Variants in DPP10 observed in about 807,000 individuals in gnomAD.
The protein encoded by DPP10 is dipeptidyl peptidase like 10.
In DPP10, 33 loss-of-function variants were observed where a neutral mutation model predicts 120.9. The ratio of observed to expected loss-of-function variants is 0.27; its 90% CI spans 0.21 to 0.37. DPP10 has a LOEUF of 0.37. DPP10 is among the 10% of genes least tolerant of loss of function. DPP10 has a pLI of 1.00. For synonymous variants in DPP10, 337 were observed against 326.1 expected, an observed-to-expected ratio of 1.03 and a Z score of -0.36; for missense variants, 816 against 942.8, an observed-to-expected ratio of 0.87 and a Z score of 1.76.
At chr2:115,438,686 C>T (rs1475807889) in intron 3 of DPP10, among the ~76,000 whole-genome samples, 2 of 152,056 alleles carry the variant, frequency 1.3e-5, no homozygotes, top group Non-Finnish European at 2.9e-5. Flanking sequence ...ATGTACCTAA[C>T]ACAGTCAATT....
At chr2:114,784,861 A>G (rs1169910380) in intron 1 of DPP10, among the ~76,000 whole-genome samples, 1 of 152,248 alleles carries the variant, frequency 6.6e-6, no homozygotes, top group Non-Finnish European at 1.5e-5. Context: ...ATGCCAAATT[A>G]GACTGAGCTG....
intron 1 of DPP10, among the ~76,000 whole-genome samples, chr2:115,224,963 A>G (rs945520767): frequency 1.3e-5 from 2 of 152,168 alleles, no homozygotes; most frequent in African/African-American, 4.8e-5. Flanking sequence ...CCCATGTCAC[A>G]CAGTACTGCC....
At chr2:114,541,736 T>C (rs960903865) in intron 1 of DPP10, among the ~76,000 whole-genome samples, 1 of 152,200 alleles carries the variant, frequency 6.6e-6, no homozygotes, top group Admixed American at 6.5e-5. Context: ...ATAAAATTAT[T>C]AAACATTTAA....
At chr2:114,582,269 G>C (rs1157376059) in intron 1 of DPP10, among the ~76,000 whole-genome samples, 1 of 152,084 alleles carries the variant, frequency 6.6e-6, no homozygotes, top group Non-Finnish European at 1.5e-5. Flanking sequence ...TTCATGTATT[G>C]ATAGCTCATT....
chr2:115,384,638 AGAAG>A (rs1348484004), intron 3 of DPP10, among the ~76,000 whole-genome samples: 3 of 144,808 alleles, frequency 2.1e-5, no homozygotes, highest in African/African-American at 5.0e-5. Context: ...GGAAGAAGAA[AGAAG>A]GAAGAAGAAG....
intron 3 of DPP10, among the ~76,000 whole-genome samples, chr2:115,354,426 G>T (rs1470775311): frequency 2.0e-5 from 3 of 152,004 alleles, no homozygotes; most frequent in East Asian, 3.9e-4. Flanking sequence ...GTGGTATTTG[G>T]TTTTTTGTTT....
At chr2:115,057,274 C>G (rs1260957167) in intron 1 of DPP10, among the ~76,000 whole-genome samples, 1 of 152,110 alleles carries the variant, frequency 6.6e-6, no homozygotes, top group Admixed American at 6.5e-5. Context: ...GTTCTGATGC[C>G]TGAGGTAGAA....
chr2:115,207,475 A>G (rs1242661863), intron 1 of DPP10, among the ~76,000 whole-genome samples: 2 of 149,144 alleles, frequency 1.3e-5, no homozygotes, highest in African/African-American at 5.0e-5. Context: ...TGATTTTAAA[A>G]CCGTTTAGTC....
chr2:114,853,164 G>A (rs1302891029), intron 1 of DPP10, among the ~76,000 whole-genome samples: 2 of 152,110 alleles, frequency 1.3e-5, no homozygotes, highest in Non-Finnish European at 2.9e-5. Flanking sequence ...TATCTCTGGG[G>A]GACAATGATC....
intron 1 of DPP10, among the ~76,000 whole-genome samples, chr2:114,767,450 A>G (rs1331584045): frequency 6.6e-6 from 1 of 151,956 alleles, no homozygotes; most frequent in African/African-American, 2.4e-5. Context: ...AAAAATGATG[A>G]ATGATATGAA....
intron 1 of DPP10, among the ~76,000 whole-genome samples, chr2:114,706,011 A>T (rs961006490): frequency 2.6e-5 from 4 of 152,182 alleles, no homozygotes; most frequent in African/African-American, 9.6e-5. Context: ...GTCATTGTTT[A>T]GTAGGTTTAT....
At chr2:114,876,544 G>A (rs999955803) in intron 1 of DPP10, among the ~76,000 whole-genome samples, 18 of 151,994 alleles carry the variant, frequency 1.2e-4, no homozygotes, top group South Asian at 2.1e-4. Context: ...GAAAAATGAC[G>A]TATGCATAAT....
intron 1 of DPP10, among the ~76,000 whole-genome samples, chr2:114,693,679 A>G (rs1699903122): frequency 1.3e-5 from 2 of 151,918 alleles, no homozygotes; most frequent in South Asian, 4.2e-4. Flanking sequence ...ATGTTTTCCA[A>G]CTTTATTCCA....
chr2:115,791,081 A>G lies in DPP10; in HGVS notation c.1532A>G (p.Lys511Arg). ...TTACACTACCCTTTTTGGTTTACAG[A>G]ATATTTTATATTGGAAAGCAATTCT... ...VSLHSTDNPA[K>R]YFILESNSML... Residue 511 changes from lysine to arginine, a missense_variant and splice_region_variant, in exon 18 of 26, where the codon AAA (lysine) becomes AGA (arginine). Physicochemically the swap from Lys to Arg is conservative, Grantham distance 26 (BLOSUM62 2). Coordinates refer to ENST00000410059, the MANE Select transcript of DPP10 (RefSeq NM_020868.6). The G allele has an allele frequency of 6.2e-7, 1 of 1,608,830 alleles. No individual in the cohort carries two copies. Among genetic ancestry groups the G allele is most frequent in the South Asian group, 1.1e-5 (1 of 90,222 alleles).
intron 10 of DPP10, among the ~76,000 whole-genome samples, chr2:115,751,924 G>A (rs1198784540): frequency 3.3e-5 from 5 of 151,240 alleles, no homozygotes; most frequent in East Asian, 2.0e-4. Context: ...TCAGCCTCCC[G>A]AGTAGCTGGG....
intron 1 of DPP10, among the ~76,000 whole-genome samples, chr2:114,597,937 A>G (rs886786313): frequency 1.3e-4 from 20 of 151,944 alleles, no homozygotes; most frequent in Non-Finnish European, 2.8e-4. Context: ...ATGCAGTACA[A>G]TAATCTGGGA....
In DPP10 at chr2:114,904,058, A is replaced by G. The variant is rs373984092; in HGVS notation, c.61-405181A>G. On this transcript the variant is annotated intron_variant, in intron 1 of 25. Transcript: ENST00000410059. ...AATACTGCTACAACAAATACCTAAA[A>G]AGGTGGAAGTGACTCAGGAGCTGGG... Among the ~76,000 whole-genome samples, 47 of 152,322 alleles carry G rather than the reference A, an allele frequency of 3.1e-4. 1 individual carries two copies. Among genetic ancestry groups the G allele is most frequent in the African/African-American group, 1.0e-3 (43 of 41,576 alleles).
intron 7 of DPP10, among the ~76,000 whole-genome samples, chr2:115,725,618 A>G (rs539018371): frequency 6.6e-6 from 1 of 152,274 alleles, no homozygotes; most frequent in Admixed American, 6.5e-5. Flanking sequence ...TGGAGGTTTT[A>G]TTAATTATTT....
At chr2:114,927,573 G>A (rs1695728305) in intron 1 of DPP10, among the ~76,000 whole-genome samples, 1 of 152,020 alleles carries the variant, frequency 6.6e-6, no homozygotes, top group Non-Finnish European at 1.5e-5. Context: ...TTCCAAAGAG[G>A]GCAATCGGAA....
Sources: gnomAD v4.1 joint callset for allele counts (sites outside exome capture counted in the v4.1 genomes callset) on GRCh38, gnomAD v4.1.1 for gene constraint, MANE v1.5 for transcripts, NCBI Gene and HGNC (gene_info 2026-07-23, HGNC 2026-07-21) for gene names.